ESRRG: variants seen among roughly 807,000 people sequenced by gnomAD.
ESRRG encodes the protein estrogen related receptor gamma.
A neutral mutation model predicts 44.0 loss-of-function variants in ESRRG; 13 were observed. The ratio of observed to expected loss-of-function variants is 0.30; its 90% CI spans 0.19 to 0.47. The LOEUF (loss-of-function observed/expected upper bound fraction) is 0.47, where lower values mean the gene tolerates loss of function less well. Among genes scored for constraint, ESRRG ranks in the 20% least tolerant of loss-of-function variants. The pLI, the probability that ESRRG is intolerant of heterozygous loss-of-function variation, is 1.00. For missense variants in ESRRG, 395 were observed against 580.6 expected, an observed-to-expected ratio of 0.68 and a Z score of 3.29; for synonymous variants, 215 against 214.6, an observed-to-expected ratio of 1.00 and a Z score of -0.02.
intron 2 of ESRRG, among the ~76,000 whole-genome samples, chr1:216,884,467 T>C (rs2096490210): frequency 6.6e-6 from 1 of 152,224 alleles, no homozygotes. Context: ...CCTTGGTCTA[T>C]GTGTGCAGTG....
intron 2 of ESRRG, among the ~76,000 whole-genome samples, chr1:216,812,661 C>A (rs904263630): frequency 6.6e-6 from 1 of 152,134 alleles, no homozygotes; most frequent in Non-Finnish European, 1.5e-5. Flanking sequence ...AATATAAATT[C>A]AATTTCTATG....
At chr1:216,960,656 G>T (rs2068856590) in intron 1 of ESRRG, among the ~76,000 whole-genome samples, 1 of 152,056 alleles carries the variant, frequency 6.6e-6, no homozygotes, top group Non-Finnish European at 1.5e-5. Context: ...TATAATCATG[G>T]CTAGCTGCAG....
intron 2 of ESRRG, among the ~76,000 whole-genome samples, chr1:216,662,633 G>GT (rs2072806716): frequency 6.6e-6 from 1 of 152,012 alleles, no homozygotes; most frequent in South Asian, 2.1e-4. Context: ...GAGTGGGGGG[G>GT]TTCCTGTTTG....
intron 1 of ESRRG, among the ~76,000 whole-genome samples, chr1:217,048,753 G>T (rs1271004813): frequency 1.3e-5 from 2 of 152,282 alleles, no homozygotes; most frequent in African/African-American, 2.4e-5. Flanking sequence ...AGGAAAATCA[G>T]AGTAGCCAGA....
chr1:216,718,616 C>A (rs1318233799), intron 1 of ESRRG, among the ~76,000 whole-genome samples: 1 of 151,916 alleles, frequency 6.6e-6, no homozygotes, highest in East Asian at 1.9e-4. Flanking sequence ...TAGAGAACTG[C>A]AATTCATTCT....
intron 6 of ESRRG, among the ~76,000 whole-genome samples, chr1:216,514,185 G>A (rs1193550984): frequency 6.6e-6 from 1 of 152,014 alleles, no homozygotes; most frequent in African/African-American, 2.4e-5. Flanking sequence ...TTGCAATACT[G>A]TAATATGTTT....
At chr1:217,107,476 A>G (rs2092610936) in intron 1 of ESRRG, among the ~76,000 whole-genome samples, 1 of 152,210 alleles carries the variant, frequency 6.6e-6, no homozygotes, top group African/African-American at 2.4e-5. Flanking sequence ...TAAAACTTAT[A>G]TATTGCACTT....
chr1:216,653,693 G>T (rs2069609387), intron 2 of ESRRG, among the ~76,000 whole-genome samples: 1 of 152,000 alleles, frequency 6.6e-6, no homozygotes, highest in African/African-American at 2.4e-5. Context: ...ACGATTTCTT[G>T]GTTTTCATAT....
At chr1:216,525,945 C>G (rs2047517953) in intron 5 of ESRRG, among the ~76,000 whole-genome samples, 1 of 152,138 alleles carries the variant, frequency 6.6e-6, no homozygotes, top group Non-Finnish European at 1.5e-5. Context: ...GGGTCCCCAT[C>G]AAATTTGGTC....
At chr1:216,694,047 T>C (rs1263596547) in intron 1 of ESRRG, among the ~76,000 whole-genome samples, 1 of 152,130 alleles carries the variant, frequency 6.6e-6, no homozygotes, top group Non-Finnish European at 1.5e-5. Flanking sequence ...AAAAACCTGC[T>C]GTGTGAAGTA....
intron 2 of ESRRG, among the ~76,000 whole-genome samples, chr1:216,730,862 G>A (rs2088635919): frequency 6.6e-6 from 1 of 152,138 alleles, no homozygotes; most frequent in Admixed American, 6.5e-5. Flanking sequence ...ATACTAAGGG[G>A]CACCAGCACT....
chr1:216,593,218 T>C (rs2057959911), intron 3 of ESRRG, among the ~76,000 whole-genome samples: 1 of 152,226 alleles, frequency 6.6e-6, no homozygotes, highest in African/African-American at 2.4e-5. Flanking sequence ...TATCTTCTTT[T>C]CCATTGTTGC....
chr1:216,968,546 G>C (rs959118990), intron 1 of ESRRG, among the ~76,000 whole-genome samples: 1 of 152,036 alleles, frequency 6.6e-6, no homozygotes, highest in African/African-American at 2.4e-5. Flanking sequence ...AACTGACTGT[G>C]TTTATGTGGT....
intron 2 of ESRRG, among the ~76,000 whole-genome samples, chr1:216,773,304 T>C (rs911679316): frequency 2.0e-5 from 3 of 152,132 alleles, no homozygotes; most frequent in African/African-American, 7.2e-5. Context: ...CACACAGATA[T>C]AGCTTGCTTT....
chr1:217,019,785 C>T (rs1251599337), intron 1 of ESRRG, among the ~76,000 whole-genome samples: 1 of 152,154 alleles, frequency 6.6e-6, no homozygotes, highest in Non-Finnish European at 1.5e-5. Context: ...TTATCTTATT[C>T]ATCTTCCATG....
intron 2 of ESRRG, among the ~76,000 whole-genome samples, chr1:216,673,369 C>G (rs1158644060): frequency 3.3e-5 from 5 of 152,216 alleles, no homozygotes; most frequent in Admixed American, 2.0e-4. Context: ...TAAGTGAGCA[C>G]CACAGTGTGA....
chr1:216,789,066 T>C (rs955119428), intron 2 of ESRRG, among the ~76,000 whole-genome samples: 6 of 152,144 alleles, frequency 3.9e-5, no homozygotes, highest in African/African-American at 9.7e-5. Flanking sequence ...ATTGTGGATA[T>C]GGCAATAAAG....
At chr1:216,831,814 G>A (rs910141933) in intron 2 of ESRRG, among the ~76,000 whole-genome samples, 9 of 151,006 alleles carry the variant, frequency 6.0e-5, no homozygotes, top group African/African-American at 2.2e-4. Context: ...TCAGAAATGG[G>A]GTGAAAATAA....
intron 1 of ESRRG, among the ~76,000 whole-genome samples, chr1:217,032,772 A>T (rs1285675045): frequency 1.3e-5 from 2 of 152,234 alleles, no homozygotes; most frequent in Non-Finnish European, 2.9e-5. Flanking sequence ...CCCAAATGCT[A>T]TGAAAATATT....
Sources: gnomAD v4.1 joint callset for allele counts (sites outside exome capture counted in the v4.1 genomes callset) on GRCh38, gnomAD v4.1.1 for gene constraint, MANE v1.5 for transcripts, NCBI Gene and HGNC (gene_info 2026-07-23, HGNC 2026-07-21) for gene names.